Variants in TCF7 observed in about 807,000 individuals in gnomAD.
TCF7 encodes transcription factor 7.
In TCF7, 19 loss-of-function variants were observed where a neutral mutation model predicts 46.8. The observed-to-expected ratio is 0.41, with a 90% confidence interval of 0.28 to 0.60. The LOEUF is 0.60. Ranked by LOEUF, TCF7 falls within the 20% of genes least tolerant of loss-of-function variation. The pLI is 0.35. For synonymous variants in TCF7, 245 were observed against 213.4 expected (o/e 1.15, Z -1.29); for missense variants, 547 against 504.6 (o/e 1.08, Z -0.81).
chr5:134,110,279 G>T (rs1755312369), upstream of TCF7, among the ~76,000 whole-genome samples: 1 of 152,134 alleles, frequency 6.6e-6, no homozygotes, highest in Non-Finnish European at 1.5e-5. Flanking sequence ...ACAATTCTTG[G>T]TTATTGTATG....
intron 2 of TCF7, chr5:134,115,667 T>A: frequency 7.0e-7 from 1 of 1,427,054 alleles, no homozygotes; most frequent in Non-Finnish European, 9.1e-7. Context: ...GAGACAGAAT[T>A]GGCCAAGGTT....
At chr5:134,143,370 C>T in intron 8 of TCF7, 1 of 786,006 alleles carries the variant, frequency 1.3e-6, no homozygotes, top group Non-Finnish European at 2.3e-6. Context: ...CTGGAAGTCA[C>T]CTCCTTCCAT....
At chr5:134,128,904 T>G (rs1267304013) in intron 3 of TCF7, among the ~76,000 whole-genome samples, 1 of 152,026 alleles carries the variant, frequency 6.6e-6, no homozygotes, top group African/African-American at 2.4e-5. Context: ...ATCACCTCCT[T>G]CAAGGACAGA....
intron 6 of TCF7, among the ~76,000 whole-genome samples, chr5:134,142,511 C>G (rs1478198469): frequency 6.6e-6 from 1 of 152,158 alleles, no homozygotes; most frequent in African/African-American, 2.4e-5. Flanking sequence ...AAGTCCTTAA[C>G]ACATGCTTTT....
upstream of TCF7, among the ~76,000 whole-genome samples, chr5:134,109,770 C>CAAAAAAAAAAAAAAAAAA (rs59510685): frequency 1.8e-4 from 25 of 140,306 alleles, no homozygotes; most frequent in African/African-American, 7.0e-4. Context: ...GGCTCCATCT[C>CAAAAAAAAAAAAAAAAAA]AAAAAAAAAA....
Position 134,146,328 on chromosome 5 carries a change from A to G in TCF7, c.*25A>G. The G allele has an allele frequency of 6.2e-7, 1 of 1,613,484 alleles. No individual in the cohort carries two copies. The highest frequency in any genetic ancestry group is 1.7e-5 in the Admixed American group (1 of 60,014). ...GGCTGCCCCGGGTCCCCAGCTCCCC[A>G]GGACTCACCCTCATACCATCTGCTG... On this transcript the variant is annotated 3_prime_UTR_variant, in exon 10 of 10. Coordinates refer to ENST00000342854, the MANE Select transcript of TCF7 (RefSeq NM_003202.5).
upstream of TCF7, among the ~76,000 whole-genome samples, chr5:134,110,654 G>A (rs1043523929): frequency 4.6e-5 from 7 of 152,232 alleles, no homozygotes; most frequent in African/African-American, 1.7e-4. Flanking sequence ...GCCTCCCGGC[G>A]GCTTTGGGCA....
rs1200724728 is a variant in TCF7 at position 134,115,114 on chromosome 5, G to A, written c.208G>A (p.Gly70Arg). ...EGAAGGAGIP[G>R]VPGAGAGARG... ...CGCGGCCGGCGGCGCAGGGATCCCG[G>A]GGGTCCCGGGGGCCGGCGCCGGGGC... Residue 70 changes from glycine to arginine, a missense_variant, in exon 1 of 10, where the codon GGG becomes AGG. Around this residue, in one of 3 missense-constraint regions of TCF7, gnomAD observed 425 missense variants for 349.9 expected, o/e 1.21. Coordinates refer to ENST00000342854, the MANE Select transcript of TCF7 (RefSeq NM_003202.5). 2.3e-5 allele frequency: 24 copies of A among 1,024,014 alleles called. No homozygotes were observed. Among genetic ancestry groups the A allele is most frequent in the Non-Finnish European group, 2.8e-5 (24 of 856,360 alleles). The allele number at this position is 1,024,014 out of a possible 1,614,324, so 63.4% of individuals were successfully genotyped here.
chr5:134,114,745 C>T lies in TCF7; in HGVS notation c.-162C>T. ...TCGCGGAGCCGCTCTGCCCCGCGCC[C>T]TAGCCCGCGCCTGCAGCCCGCCCAG... is the stretch of plus-strand genomic sequence containing the variant. On this transcript the variant is annotated 5_prime_UTR_variant, in exon 1 of 10. Coordinates refer to ENST00000342854, the MANE Select transcript of TCF7 (RefSeq NM_003202.5). 1.4e-6 allele frequency: 1 copy of T among 715,770 alleles called. No individual in the cohort carries two copies. Among genetic ancestry groups the T allele is most frequent in the Non-Finnish European group, 1.7e-6 (1 of 584,704 alleles). The allele number at this position is 715,770 out of a possible 1,614,324, so 44.3% of individuals were successfully genotyped here. A position where few individuals can be genotyped will look rare whatever the true frequency, so the allele number is the denominator to read the frequency against.
chr5:134,120,088 T>C (rs1222857387), intron 3 of TCF7, among the ~76,000 whole-genome samples: 2 of 151,908 alleles, frequency 1.3e-5, no homozygotes, highest in Non-Finnish European at 2.9e-5. Flanking sequence ...CAGCCCTGGC[T>C]GTGAAGGGGG....
the TCF7 span, among the ~76,000 whole-genome samples, chr5:134,109,226 T>C: frequency 6.6e-6 from 1 of 152,224 alleles, no homozygotes; most frequent in Admixed American, 6.5e-5. Context: ...AACAAAGCCC[T>C]GTATAGCCCT....
chr5:134,121,880 G>A (rs750437222), intron 3 of TCF7, among the ~76,000 whole-genome samples: 1 of 152,200 alleles, frequency 6.6e-6, no homozygotes, highest in Non-Finnish European at 1.5e-5. Flanking sequence ...CTTCCCTGGT[G>A]CCCCAGTGCG....
At chr5:134,137,834 A>G in intron 3 of TCF7, 1 of 403,238 alleles carries the variant, frequency 2.5e-6, no homozygotes, top group Non-Finnish European at 4.4e-6. Flanking sequence ...TTGAGTGCCC[A>G]GAAAGACCAA....
chr5:134,137,461 A>G (rs1350950402), intron 3 of TCF7, among the ~76,000 whole-genome samples: 1 of 151,632 alleles, frequency 6.6e-6, no homozygotes, highest in South Asian at 2.1e-4. Context: ...AGAAAAAAGA[A>G]AAGTAAGAGT....
At chr5:134,130,313 G>A (rs905295108) in intron 3 of TCF7, among the ~76,000 whole-genome samples, 2 of 151,300 alleles carry the variant, frequency 1.3e-5, no homozygotes, top group Admixed American at 1.3e-4. Flanking sequence ...CAACTGGGCA[G>A]ACTCCTCGGC....
upstream of TCF7, among the ~76,000 whole-genome samples, chr5:134,110,397 C>T (rs1755313566): frequency 6.6e-6 from 1 of 152,202 alleles, no homozygotes. Flanking sequence ...AGGGCAGCTG[C>T]CTGGTACCTG....
At chr5:134,113,077 A>T (rs1755365742), upstream of TCF7, among the ~76,000 whole-genome samples, 1 of 152,168 alleles carries the variant, frequency 6.6e-6, no homozygotes, top group East Asian at 1.9e-4. Context: ...GGAGGCTCTG[A>T]ACTCCCGTCC....
intron 3 of TCF7, among the ~76,000 whole-genome samples, chr5:134,120,838 A>AC: frequency 6.6e-6 from 1 of 152,384 alleles, no homozygotes; most frequent in South Asian, 2.1e-4. Context: ...CCTCCTCTGC[A>AC]CAATGGGAGT....
In TCF7 at chr5:134,143,027, A is replaced by G; in HGVS notation, c.953A>G (p.Tyr318Cys). 1 of 1,612,784 alleles carries G rather than the reference A, an allele frequency of 6.2e-7. No homozygotes were observed. The highest frequency in any genetic ancestry group is 8.5e-7 in the Non-Finnish European group (1 of 1,179,380). Reference protein sequence around the residue: ...HALSREEQAKYYELARKERQL... With the variant: ...HALSREEQAKCYELARKERQL... Reference sequence around the variant, plus strand: ...CTGTCGCGAGAAGAGCAGGCCAAGTACTATGAGCTGGCCCGCAAGGAGAGG... The same window carrying G: ...CTGTCGCGAGAAGAGCAGGCCAAGTGCTATGAGCTGGCCCGCAAGGAGAGG... Residue 318 changes from tyrosine (Y) to cysteine (C), a missense_variant, in exon 8 of 10, where the codon TAC (tyrosine) becomes TGC (cysteine). This residue lies in a region of TCF7 where 90 missense variants were observed against 88.8 expected (regional missense o/e 1.01). Transcript: ENST00000342854.
Sources: gnomAD v4.1 joint callset for allele counts (sites outside exome capture counted in the v4.1 genomes callset) on GRCh38, gnomAD v4.1.1 for gene constraint, gnomAD v4.1.1 regional missense constraint, MANE v1.5 for transcripts, NCBI Gene and HGNC (gene_info 2026-07-23, HGNC 2026-07-21) for gene names.